Variants in KIF21A observed in about 807,000 individuals in gnomAD.
The protein encoded by KIF21A is kinesin family member 21A.
KIF21A carries 114 observed loss-of-function variants against 202.9 expected under a neutral mutation model. The ratio of observed to expected loss-of-function variants is 0.56; its 90% CI spans 0.48 to 0.66. KIF21A has a LOEUF of 0.66. Among genes scored for constraint, KIF21A ranks in the 30% least tolerant of loss-of-function variants. The pLI is 0.00. For synonymous variants in KIF21A, 667 were observed against 670.8 expected, an observed-to-expected ratio of 0.99 and a Z score of 0.09; for missense variants, 1,677 against 1,994.9, an observed-to-expected ratio of 0.84 and a Z score of 3.04.
intron 14 of KIF21A, 76 bp from the exon 15 acceptor site, chr12:39,341,170 A>G: frequency 1.7e-6 from 2 of 1,157,238 alleles, no homozygotes; most frequent in Non-Finnish European, 2.5e-6. Flanking sequence ...AGCAGACCAT[A>G]AAAACCATCA....
intron 1 of KIF21A, among the ~76,000 whole-genome samples, chr12:39,397,557 C>A (rs1336448767): frequency 6.6e-6 from 1 of 152,124 alleles, no homozygotes; most frequent in East Asian, 1.9e-4. Flanking sequence ...TGCAGCGACT[C>A]CCAAGGCTCC....
chr12:39,360,546 T>A (rs1237293676), intron 7 of KIF21A, among the ~76,000 whole-genome samples: 1 of 152,042 alleles, frequency 6.6e-6, no homozygotes, highest in Non-Finnish European at 1.5e-5. Flanking sequence ...CCCACCACCA[T>A]GCCCAGCTAA....
At chr12:39,358,652 A>G (rs1231861271) in intron 7 of KIF21A, among the ~76,000 whole-genome samples, 1 of 152,256 alleles carries the variant, frequency 6.6e-6, no homozygotes, top group Admixed American at 6.5e-5. Flanking sequence ...CAGTGCACAC[A>G]GTAATTCTAA....
At chr12:39,307,038 G>A (rs1367941244) in intron 34 of KIF21A, among the ~76,000 whole-genome samples, 1 of 152,114 alleles carries the variant, frequency 6.6e-6, no homozygotes, top group Non-Finnish European at 1.5e-5. Flanking sequence ...AATGAAAGAT[G>A]TAATGCCTTA....
chr12:39,403,555 T>C (rs1952345352), intron 1 of KIF21A, among the ~76,000 whole-genome samples: 1 of 152,200 alleles, frequency 6.6e-6, no homozygotes, highest in Non-Finnish European at 1.5e-5. Flanking sequence ...GTTTATTAGC[T>C]ACATGACCTA....
Position 39,302,320 on chromosome 12 carries a change from T to C in KIF21A, c.4732-641A>G, listed in dbSNP as rs566295401. ...GCCAAGATTTTTCTATTAATATTTA[T>C]GTTTCTTGTTTGTTTGGTTTTCATC... On this transcript the variant is annotated intron_variant, in intron 36 of 37. Transcript: ENST00000361418. Among the ~76,000 whole-genome samples, 34 of 149,786 alleles carry C rather than the reference T, an allele frequency of 2.3e-4. No homozygotes were observed. The East Asian group carries it at 6.6e-3, about 29-fold the overall frequency.
chr12:39,423,576 G>A (rs1039319402), intron 1 of KIF21A, among the ~76,000 whole-genome samples: 2 of 151,738 alleles, frequency 1.3e-5, no homozygotes, highest in Non-Finnish European at 2.9e-5. Flanking sequence ...CAGGCTGGGC[G>A]CCGTGGCTCA....
chr12:39,409,982 C>T (rs1952951255), intron 1 of KIF21A, among the ~76,000 whole-genome samples: 1 of 152,088 alleles, frequency 6.6e-6, no homozygotes, highest in African/African-American at 2.4e-5. Context: ...CAGGCACTCA[C>T]CATCATGCCC....
At chr12:39,375,517 A>G (rs994063051) in intron 1 of KIF21A, among the ~76,000 whole-genome samples, 18 of 152,128 alleles carry the variant, frequency 1.2e-4, no homozygotes, top group African/African-American at 4.3e-4. Flanking sequence ...TCTGCTTAGT[A>G]TAAAAGTGGT....
At chr12:39,410,354 A>T (rs1156329144) in intron 1 of KIF21A, among the ~76,000 whole-genome samples, 2 of 152,100 alleles carry the variant, frequency 1.3e-5, no homozygotes, top group African/African-American at 4.8e-5. Flanking sequence ...AACAGTAGGA[A>T]ACTAATACAA....
At chr12:39,330,462 T>C (rs902711766) in intron 23 of KIF21A, among the ~76,000 whole-genome samples, 200 bp from the exon 24 acceptor site, 1 of 152,196 alleles carries the variant, frequency 6.6e-6, no homozygotes. Flanking sequence ...TTTTAAGTAA[T>C]TTAGATAACC....
intron 34 of KIF21A, among the ~76,000 whole-genome samples, chr12:39,305,956 A>G (rs1357504899): frequency 2.0e-5 from 3 of 152,234 alleles, no homozygotes; most frequent in Admixed American, 2.0e-4. Flanking sequence ...CTATGTACAC[A>G]CATATCTGTG....
chr12:39,345,788 T>G (rs1049710601), intron 12 of KIF21A, among the ~76,000 whole-genome samples: 1 of 152,008 alleles, frequency 6.6e-6, no homozygotes, highest in Non-Finnish European at 1.5e-5. Flanking sequence ...TAATCATAAT[T>G]CTGAATCAGT....
chr12:39,294,612 A>G (rs1942119556), intron 37 of KIF21A, 95 bp from the exon 38 acceptor site: 3 of 925,812 alleles, frequency 3.2e-6, no homozygotes, highest in Non-Finnish European at 5.2e-6. Context: ...TATTTTCTAC[A>G]TAGGTCTTCA....
chr12:39,327,667 C>T (rs1308326095), intron 24 of KIF21A, among the ~76,000 whole-genome samples: 1 of 152,212 alleles, frequency 6.6e-6, no homozygotes, highest in African/African-American at 2.4e-5. Flanking sequence ...GGTGTCTTGA[C>T]AGAACCAGTC....
chr12:39,418,508 T>C (rs1457078176), intron 1 of KIF21A, among the ~76,000 whole-genome samples: 1 of 152,206 alleles, frequency 6.6e-6, no homozygotes, highest in African/African-American at 2.4e-5. Flanking sequence ...TATCTGATTA[T>C]GATACTTTAC....
rs139372302 is a variant in KIF21A at position 39,373,636 on chromosome 12, G to T, written c.45-3375C>A. On this transcript the variant is annotated intron_variant, in intron 1 of 37. Transcript: ENST00000361418. ...TAATATCAGTGTGCCATTAATTTTA[G>T]GTAAATGATTATAACCATAGGCTAA... is the stretch of plus-strand genomic sequence containing the variant. Among the ~76,000 whole-genome samples, 481 of 152,180 alleles carry T rather than the reference G, an allele frequency of 3.2e-3. 5 individuals carry two copies. The highest frequency in any genetic ancestry group is 0.011 in the African/African-American group (473 of 41,514).
chr12:39,369,185 G>A lies in KIF21A; in HGVS notation c.450+544C>T, dbSNP rs577524189. ...TATCTATTGATAAAAATAAGTTCCTGGCTGGGCTCATACCTGTAACCCCAG... is the reference window on the plus strand; with the variant it reads ...TATCTATTGATAAAAATAAGTTCCTAGCTGGGCTCATACCTGTAACCCCAG... On this transcript the variant is annotated intron_variant, in intron 3 of 37. Transcript: ENST00000361418. 5.3e-5 allele frequency among the ~76,000 whole-genome samples: 8 copies of A among 152,172 alleles called. No individual in the cohort carries two copies. In the East Asian group the frequency reaches 1.5e-3, roughly 29 times the overall value.
At chr12:39,432,166 C>T (rs1938014192) in intron 1 of KIF21A, among the ~76,000 whole-genome samples, 2 of 152,182 alleles carry the variant, frequency 1.3e-5, no homozygotes, top group South Asian at 4.1e-4. Context: ...TAGTTATGGT[C>T]TTGTGTTTGA....
Sources: allele counts gnomAD v4.1 joint callset (sites outside exome capture counted in the v4.1 genomes callset), GRCh38; gene constraint gnomAD v4.1.1; transcripts MANE v1.5; gene names NCBI Gene and HGNC (gene_info 2026-07-23, HGNC 2026-07-21).